The following HAUS7 variants were observed in gnomAD, a reference collection of about 807,000 sequenced individuals.
HAUS7 encodes HAUS augmin like complex subunit 7, also known as HAUS augmin-like complex subunit 7.
Under a neutral mutation model 28.4 loss-of-function variants are expected in HAUS7, and 3 were observed. The observed-to-expected ratio is 0.11, with a 90% CI of 0.05 to 0.27. The LOEUF is 0.27. HAUS7 is among the 10% of genes least tolerant of loss of function. The pLI is 1.00. For missense variants in HAUS7, 284 were observed against 297.3 expected, an observed-to-expected ratio of 0.96 and a Z score of 0.33; for synonymous variants, 165 against 132.1, an observed-to-expected ratio of 1.25 and a Z score of -1.71.
chrX:153,470,467 C>T lies in HAUS7; in HGVS notation c.91G>A (p.Val31Met), dbSNP rs149891492. 1.7e-6 allele frequency: 2 copies of T among 1,209,244 alleles called. No individual in the cohort carries two copies. Among genetic ancestry groups the T allele is most frequent in the African/African-American group, 1.7e-5 (1 of 57,919 alleles). Residue 31 changes from valine to methionine, a missense_variant, in exon 1 of 10, where the codon GTG (valine) becomes ATG (methionine). Transcript: ENST00000370211. ...AACAGCACCTTCAGCTTCCCGAACA[C>T]CTCCACAGCCGCCCTGGACACGCTG... Reference protein sequence around the residue: ...DSSVSRAAVEVFGKLKDLNCP... With the variant: ...DSSVSRAAVEMFGKLKDLNCP...
chrX:153,470,349 G>T (rs2089505325), intron 1 of HAUS7, 101 bp downstream of exon 1: 1 of 851,353 alleles, frequency 1.2e-6, no homozygotes, highest in Non-Finnish European at 1.7e-6. Context: ...CGGCGACGGT[G>T]GCCGCGTGGC....
chrX:153,485,435 C>T (rs1201914070), intron 1 of HAUS7, among the ~76,000 whole-genome samples: 1 of 111,916 alleles, frequency 8.9e-6, no homozygotes, highest in Non-Finnish European at 1.9e-5. Context: ...CCTGAGGCAA[C>T]ACCTGGAGGG....
At chrX:153,449,956 G>A (rs1248523111) in intron 9 of HAUS7, among the ~76,000 whole-genome samples, 2 of 112,294 alleles carry the variant, frequency 1.8e-5, no homozygotes, top group East Asian at 2.8e-4. Flanking sequence ...TCTGGATGTC[G>A]CACTGAGTGT....
intron 9 of HAUS7, among the ~76,000 whole-genome samples, chrX:153,448,733 G>T (rs1000814907): frequency 8.9e-6 from 1 of 111,856 alleles, no homozygotes; most frequent in Admixed American, 9.3e-5. Flanking sequence ...AGGCACTGCC[G>T]AGCTGGGAGC....
At chrX:153,489,811 G>A (rs2980042) in intron 1 of HAUS7, among the ~76,000 whole-genome samples, 25,361 of 111,142 alleles carry the variant, frequency 0.23, 3,125 homozygotes, top group East Asian at 0.86. Flanking sequence ...CCCCCCACGG[G>A]CCCACCCCTC....
chrX:153,462,387 G>C (rs1317448058), intron 4 of HAUS7: 1 of 152,606 alleles, frequency 6.6e-6, no homozygotes, highest in African/African-American at 3.1e-5. Flanking sequence ...TCTCCCCTGC[G>C]CCCCAGGGAC....
intron 9 of HAUS7, among the ~76,000 whole-genome samples, chrX:153,451,135 C>T (rs1053735733): frequency 6.2e-5 from 7 of 112,101 alleles, no homozygotes; most frequent in Admixed American, 9.4e-5. Flanking sequence ...CTGTACACAA[C>T]GCACTGCCCA....
chrX:153,458,115 A>G (rs1246184250), intron 4 of HAUS7, among the ~76,000 whole-genome samples: 2 of 113,379 alleles, frequency 1.8e-5, no homozygotes, highest in Admixed American at 9.2e-5. Flanking sequence ...CATTCCTCAG[A>G]AAAGTGTGTG....
intron 9 of HAUS7, among the ~76,000 whole-genome samples, chrX:153,450,958 G>C (rs1334923924): frequency 1.8e-5 from 2 of 112,059 alleles, no homozygotes; most frequent in African/African-American, 6.5e-5. Flanking sequence ...CCCTTTCTCT[G>C]GTGTGTCCAG....
intron 4 of HAUS7, among the ~76,000 whole-genome samples, chrX:153,461,199 G>A (rs2089385375): frequency 8.9e-6 from 1 of 112,719 alleles, no homozygotes; most frequent in Non-Finnish European, 1.9e-5. Flanking sequence ...AATATAAATT[G>A]TGTGGAGAAT....
At chrX:153,474,881 C>A (rs1419391212), upstream of HAUS7, among the ~76,000 whole-genome samples, 3 of 111,857 alleles carry the variant, frequency 2.7e-5, no homozygotes, top group African/African-American at 9.7e-5. Flanking sequence ...GGGATCGCCC[C>A]CTCCGCGGGG....
At chrX:153,474,739 G>GGGCGCT (rs1206938651), upstream of HAUS7, among the ~76,000 whole-genome samples, 1 of 97,377 alleles carries the variant, frequency 1.0e-5, no homozygotes, top group East Asian at 3.2e-4. Flanking sequence ...GCGGGGGCGC[G>GGGCGCT]GGCGCTGGCG....
intron 1 of HAUS7, among the ~76,000 whole-genome samples, chrX:153,484,836 C>T (rs1556988145): frequency 8.8e-6 from 1 of 113,000 alleles, no homozygotes; most frequent in East Asian, 2.8e-4. Flanking sequence ...CTGCCTCAGC[C>T]GCGGCCTCTC....
At chrX:153,451,278 G>T (rs1326072814) in intron 9 of HAUS7, among the ~76,000 whole-genome samples, 1 of 112,835 alleles carries the variant, frequency 8.9e-6, no homozygotes, top group African/African-American at 3.2e-5. Context: ...CACAGTCACA[G>T]GTGAGATGGC....
At chrX:153,465,901 C>T (rs1324446262) in intron 2 of HAUS7, among the ~76,000 whole-genome samples, 4 of 112,440 alleles carry the variant, frequency 3.6e-5, no homozygotes, top group Admixed American at 1.9e-4. Context: ...GGCTCTTACC[C>T]GGGAGCCCCA....
intron 1 of HAUS7, chrX:153,481,872 G>A (rs1602955546): frequency 4.0e-6 from 3 of 753,727 alleles, no homozygotes; most frequent in Non-Finnish European, 4.7e-6. Context: ...GGAGTGGCTG[G>A]ATCTCAGCAA....
At chrX:153,475,351 G>T (rs1556986072), upstream of HAUS7, among the ~76,000 whole-genome samples, 1 of 110,978 alleles carries the variant, frequency 9.0e-6, no homozygotes, top group African/African-American at 3.3e-5. Flanking sequence ...TCCCATTTGG[G>T]GTCCTGTGTT....
intron 4 of HAUS7, 25 bp downstream of exon 4, chrX:153,462,585 G>A (rs1317914002): frequency 1.8e-6 from 2 of 1,128,740 alleles, no homozygotes; most frequent in Non-Finnish European, 2.4e-6. Flanking sequence ...CGTGCCGTCT[G>A]CAGAGCAGAC....
rs782544434 is a variant in HAUS7 at position 153,452,843 on chromosome X, G to A, written c.1045+1551C>T. ...ACTTAAAAATACAAAAATTAGTCAG[G>A]CGTGGTGGTGAGTGCCTGTAACCCC... On this transcript the variant is annotated intron_variant, in intron 9 of 9. Transcript: ENST00000370211. Among the ~76,000 whole-genome samples, 5 of 111,591 alleles carry A rather than the reference G, an allele frequency of 4.5e-5. 1 individual carries two copies. The South Asian group carries it at 1.9e-3, about 42-fold the overall frequency.
Sources: gnomAD v4.1 joint callset for allele counts (sites outside exome capture counted in the v4.1 genomes callset) on GRCh38, gnomAD v4.1.1 for gene constraint, MANE v1.5 for transcripts, NCBI Gene and HGNC (gene_info 2026-07-23, HGNC 2026-07-21) for gene names.